Variants in ME1 observed in about 807,000 individuals in gnomAD.
The protein encoded by ME1 is NADP-dependent malic enzyme.
In ME1, 74 loss-of-function variants were observed where a neutral mutation model predicts 66.4. The observed-to-expected ratio is 1.11, with a 90% confidence interval of 0.92 to 1.35. The LOEUF is 1.35. Ranked by LOEUF, ME1 falls within the 40% of genes most tolerant of loss-of-function variation. The probability of loss-of-function intolerance (pLI) is 0.00; values close to 1 mark genes in which losing one functional copy is unlikely to be tolerated. For synonymous variants in ME1, 251 were observed against 235.6 expected (o/e 1.07, Z -0.60); for missense variants, 750 against 694.1 (o/e 1.08, Z -0.90).
At chr6:83,251,340 C>A (rs1032346478) in intron 7 of ME1, among the ~76,000 whole-genome samples, 3 of 151,792 alleles carry the variant, frequency 2.0e-5, no homozygotes, top group African/African-American at 7.3e-5. Flanking sequence ...ACTAAAAATA[C>A]AAAAATTAGC....
At chr6:83,311,569 C>G (rs1767932435) in intron 6 of ME1, among the ~76,000 whole-genome samples, 1 of 152,062 alleles carries the variant, frequency 6.6e-6, no homozygotes, top group Non-Finnish European at 1.5e-5. Flanking sequence ...GCCAGAAAAT[C>G]CATAAGATGA....
At chr6:83,416,964 T>A (rs1770172351) in intron 1 of ME1, among the ~76,000 whole-genome samples, 1 of 152,132 alleles carries the variant, frequency 6.6e-6, no homozygotes, top group Non-Finnish European at 1.5e-5. Flanking sequence ...TTATGCCATG[T>A]TACATCTGTG....
chr6:83,262,188 C>T (rs142706649), intron 6 of ME1, among the ~76,000 whole-genome samples: 18 of 152,188 alleles, frequency 1.2e-4, no homozygotes, highest in Non-Finnish European at 2.4e-4. Context: ...AAAGGTGGAA[C>T]ATGGGGAGAT....
intron 3 of ME1, among the ~76,000 whole-genome samples, chr6:83,354,687 G>A (rs989689081): frequency 2.0e-5 from 3 of 152,088 alleles, no homozygotes; most frequent in Non-Finnish European, 4.4e-5. Context: ...GTATTCAAAT[G>A]TTAACTGTCT....
rs571206487 is a variant in ME1, at chr6:83,257,521, A to C, written c.705-3783T>G. On this transcript the variant is annotated intron_variant, in intron 6 of 13. Coordinates refer to ENST00000369705, the MANE Select transcript of ME1 (RefSeq NM_002395.6). ...TCTGTAAATCACTAAAGACAAAAAG[A>C]AGCAACAATTTAAAAGTAAAATGGG... Among the ~76,000 whole-genome samples the C allele has an allele frequency of 4.6e-5, 7 of 152,274 alleles. No homozygotes were observed. In the South Asian group the frequency reaches 1.5e-3, roughly 32 times the overall value.
chr6:83,395,257 T>C (rs1769706296), intron 3 of ME1, among the ~76,000 whole-genome samples: 1 of 151,868 alleles, frequency 6.6e-6, no homozygotes, highest in Admixed American at 6.6e-5. Context: ...TCAGCAATTT[T>C]TGTATTTTTA....
chr6:83,310,340 G>A (rs1299441473), intron 6 of ME1, among the ~76,000 whole-genome samples: 1 of 152,116 alleles, frequency 6.6e-6, no homozygotes, highest in African/African-American at 2.4e-5. Context: ...ACGGGATCAG[G>A]GAAAGCTGTC....
chr6:83,216,351 T>A, intron 13 of ME1, 147 bp downstream of exon 13: 1 of 655,804 alleles, frequency 1.5e-6, no homozygotes, highest in Non-Finnish European at 2.7e-6. Flanking sequence ...AGCTCTACAG[T>A]GTCAGTGTGC....
At chr6:83,405,847 A>G (rs1769932644) in intron 2 of ME1, among the ~76,000 whole-genome samples, 1 of 148,522 alleles carries the variant, frequency 6.7e-6, no homozygotes, top group East Asian at 2.0e-4. Context: ...TCAGCCTCCC[A>G]AGTAGCTGGG....
At position 83,364,011 on chromosome 6, in the gene ME1, G is replaced by A. The variant is rs189700863; in HGVS notation, c.363-11872C>T. ...AGTTGACAAGGGGTGGACTTGTGAT[G>A]ATTAATACTGAGTGTCAACTTGATA... On this transcript the variant is annotated intron_variant, in intron 3 of 13. Coordinates refer to ENST00000369705, the MANE Select transcript of ME1 (RefSeq NM_002395.6). 4.6e-5 allele frequency among the ~76,000 whole-genome samples: 7 copies of A among 152,278 alleles called. No homozygotes were observed. The East Asian group carries it at 1.4e-3, about 29-fold the overall frequency.
intron 1 of ME1, among the ~76,000 whole-genome samples, chr6:83,420,958 T>A (rs115757802): frequency 2.6e-5 from 4 of 151,930 alleles, no homozygotes; most frequent in Admixed American, 6.6e-5. Flanking sequence ...TTTTAAGTAG[T>A]GGACAGTTTA....
At chr6:83,392,813 T>A in intron 3 of ME1, 1 of 734,086 alleles carries the variant, frequency 1.4e-6, no homozygotes, top group Admixed American at 1.8e-5. Flanking sequence ...ATGTTCGTGA[T>A]GGGTGTGAAC....
chr6:83,300,610 CTTTTT>C (rs35205380), intron 6 of ME1, among the ~76,000 whole-genome samples: 17 of 84,966 alleles, frequency 2.0e-4, no homozygotes, highest in African/African-American at 7.4e-4. Flanking sequence ...TTCTTTCTTT[CTTTTT>C]TTTTTTTTTT....
At chr6:83,303,308 C>A (rs1359525684) in intron 6 of ME1, among the ~76,000 whole-genome samples, 4 of 151,992 alleles carry the variant, frequency 2.6e-5, no homozygotes, top group African/African-American at 4.8e-5. Context: ...ATCTATGTAC[C>A]TTTTTTATTG....
intron 3 of ME1, among the ~76,000 whole-genome samples, chr6:83,383,173 G>GT (rs945999757): frequency 1.1e-4 from 17 of 151,324 alleles, no homozygotes; most frequent in Non-Finnish European, 1.9e-4. Context: ...TATACTATTG[G>GT]TTTTTTTTCT....
At chr6:83,373,685 G>A (rs890015948) in intron 3 of ME1, among the ~76,000 whole-genome samples, 4 of 151,960 alleles carry the variant, frequency 2.6e-5, no homozygotes, top group Admixed American at 6.6e-5. Flanking sequence ...TGTGTGCCAC[G>A]GTGGCTTGCT....
At chr6:83,415,146 T>C (rs1430581512) in intron 1 of ME1, among the ~76,000 whole-genome samples, 1 of 152,214 alleles carries the variant, frequency 6.6e-6, no homozygotes, top group African/African-American at 2.4e-5. Flanking sequence ...ATTACTCATA[T>C]AATGAACCAG....
At chr6:83,407,048 G>C (rs774537064) in intron 2 of ME1, among the ~76,000 whole-genome samples, 3 of 151,060 alleles carry the variant, frequency 2.0e-5, no homozygotes, top group Admixed American at 6.6e-5. Flanking sequence ...GTAACACCCT[G>C]ATTAACACCA....
chr6:83,333,221 A>T (rs1331304482), intron 5 of ME1, among the ~76,000 whole-genome samples: 1 of 152,248 alleles, frequency 6.6e-6, no homozygotes, highest in Non-Finnish European at 1.5e-5. Flanking sequence ...GATATTATCA[A>T]GCAGTTTCTA....
Sources: gnomAD v4.1 joint callset for allele counts (sites outside exome capture counted in the v4.1 genomes callset) on GRCh38, gnomAD v4.1.1 for gene constraint, MANE v1.5 for transcripts, NCBI Gene and HGNC (gene_info 2026-07-23, HGNC 2026-07-21) for gene names.